The following TMEM245 variants were observed in gnomAD, a reference collection of about 807,000 sequenced individuals.
TMEM245 encodes transmembrane protein 245.
In TMEM245, 69 loss-of-function variants were observed where a neutral mutation model predicts 101.2. The observed-to-expected ratio is 0.68, with a 90% CI of 0.56 to 0.83. The LOEUF (loss-of-function observed/expected upper bound fraction) is 0.83, where lower values mean the gene tolerates loss of function less well. Among genes scored for constraint, TMEM245 ranks in the 40% least tolerant of loss-of-function variants. The probability of loss-of-function intolerance (pLI) is 0.00; values close to 1 mark genes in which losing one functional copy is unlikely to be tolerated. For missense variants in TMEM245, 1,075 were observed against 1,092.8 expected, an observed-to-expected ratio of 0.98 and a Z score of 0.23; for synonymous variants, 537 against 449.8, an observed-to-expected ratio of 1.19 and a Z score of -2.45.
intron 8 of TMEM245, among the ~76,000 whole-genome samples, chr9:109,074,104 T>C (rs10121241): frequency 0.069 from 10,416 of 152,034 alleles, 431 homozygotes; most frequent in South Asian, 0.13. Flanking sequence ...AAGGGATCTA[T>C]CCACCTTGGC....
At chr9:109,053,436 A>G (rs893773978) in intron 12 of TMEM245, among the ~76,000 whole-genome samples, 3 of 152,114 alleles carry the variant, frequency 2.0e-5, no homozygotes, top group African/African-American at 7.2e-5. Context: ...CTGAGGGGGA[A>G]AAAAAAGGAT....
At chr9:109,072,427 C>T (rs1829361869) in intron 9 of TMEM245, among the ~76,000 whole-genome samples, 1 of 152,158 alleles carries the variant, frequency 6.6e-6, no homozygotes, top group Admixed American at 6.6e-5. Context: ...GTGTTTTCAC[C>T]CTGAACATCT....
At chr9:109,053,417 ACTCT>A (rs938274010) in intron 12 of TMEM245, among the ~76,000 whole-genome samples, 3 of 151,830 alleles carry the variant, frequency 2.0e-5, no homozygotes, top group Non-Finnish European at 2.9e-5. Context: ...ACAAAGCGAG[ACTCT>A]CTCTCTGAGG....
intron 2 of TMEM245, among the ~76,000 whole-genome samples, chr9:109,107,982 G>A (rs1290207143): frequency 6.6e-6 from 1 of 152,126 alleles, no homozygotes; most frequent in Non-Finnish European, 1.5e-5. Flanking sequence ...TCTTTCACAG[G>A]ACAGTCCTTC....
chr9:109,059,780 G>A (rs1182918707), intron 11 of TMEM245, among the ~76,000 whole-genome samples: 1 of 151,956 alleles, frequency 6.6e-6, no homozygotes, highest in African/African-American at 2.4e-5. Flanking sequence ...AATGCCTACA[G>A]TTGTACTGTC....
Position 109,016,913 on chromosome 9 carries a change from G to C in TMEM245, c.*3547C>G, listed in dbSNP as rs559952678. ...GACTGCAAGGTCAGGGCTAGAGTAT[G>C]AGAAGTCCTAAGGGTTTTTGTATTT... On this transcript the variant is annotated 3_prime_UTR_variant, in exon 18 of 18. Transcript: ENST00000374586. The C allele has an allele frequency of 7.9e-5, 12 of 151,622 alleles. No individual in the cohort carries two copies. In the East Asian group the frequency reaches 2.3e-3, roughly 29 times the overall value. 9.4% of individuals were successfully genotyped at this position (151,622 alleles called of 1,614,324 possible). A position where few individuals can be genotyped will look rare whatever the true frequency, so the allele number is the denominator to read the frequency against.
At chr9:109,062,528 C>T (rs1009462466) in intron 10 of TMEM245, among the ~76,000 whole-genome samples, 1 of 152,200 alleles carries the variant, frequency 6.6e-6, no homozygotes, top group African/African-American at 2.4e-5. Context: ...TAGTTTACAA[C>T]ATCTATTTCC....
intron 12 of TMEM245, among the ~76,000 whole-genome samples, chr9:109,055,664 C>T (rs1347783138): frequency 6.9e-6 from 1 of 144,066 alleles, no homozygotes; most frequent in African/African-American, 2.6e-5. Flanking sequence ...GATGGAGTTT[C>T]GCTCTTGTTA....
In TMEM245 at chr9:109,018,512, T is replaced by C. The variant is rs1003760659; in HGVS notation, c.*1948A>G. 4 of 152,158 alleles carry C rather than the reference T, an allele frequency of 2.6e-5. No homozygotes were observed. Among genetic ancestry groups the C allele is most frequent in the Non-Finnish European group, 5.9e-5 (4 of 68,030 alleles). The allele number at this position is 152,158 out of a possible 1,614,324, so 9.4% of individuals were successfully genotyped here. Reference sequence around the variant, plus strand: ...CTGATTATAATCGCTAAAATATTCATAATAGAAATAAAGAGATCTGTATGC... The same window carrying C: ...CTGATTATAATCGCTAAAATATTCACAATAGAAATAAAGAGATCTGTATGC... On this transcript the variant is annotated 3_prime_UTR_variant, in exon 18 of 18. Coordinates refer to ENST00000374586, the MANE Select transcript of TMEM245 (RefSeq NM_032012.4).
chr9:109,084,385 G>T (rs934134105), intron 7 of TMEM245, among the ~76,000 whole-genome samples: 2 of 151,898 alleles, frequency 1.3e-5, no homozygotes, highest in South Asian at 4.2e-4. Flanking sequence ...ATCATCAAAG[G>T]AAAGAAAAAA....
In TMEM245 at chr9:109,119,471, AGGC is replaced by A. The variant is rs772603515; in HGVS notation, c.440_442del (p.Arg147del). 24 of 1,489,906 alleles carry A rather than the reference AGGC, an allele frequency of 1.6e-5. No individual in the cohort carries two copies. In the Admixed American group the frequency reaches 1.7e-4, roughly 11 times the overall value. 92.3% of individuals were successfully genotyped at this position (1,489,906 alleles called of 1,614,324 possible). ...GCCGCCGGCGCCGAGCAGCAGGAGC[AGGC>A]GGCGGCGGCGCAGCGCCTGCTCGCC... On this transcript the variant is annotated inframe_deletion, in exon 1 of 18. Coordinates refer to ENST00000374586, the MANE Select transcript of TMEM245 (RefSeq NM_032012.4).
chr9:109,085,835 A>G (rs1829816721), intron 7 of TMEM245, among the ~76,000 whole-genome samples, 162 bp downstream of exon 7: 1 of 152,242 alleles, frequency 6.6e-6, no homozygotes, highest in African/African-American at 2.4e-5. Flanking sequence ...ACCAAATTAT[A>G]CTGTGATAGT....
At chr9:109,088,258 A>G (rs1023533324) in intron 5 of TMEM245, among the ~76,000 whole-genome samples, 12 of 152,196 alleles carry the variant, frequency 7.9e-5, no homozygotes, top group African/African-American at 2.9e-4. Context: ...AAGTTCAACA[A>G]TTCCTTTATT....
chr9:109,045,791 T>G (rs1165495717), intron 14 of TMEM245, among the ~76,000 whole-genome samples: 2 of 152,224 alleles, frequency 1.3e-5, no homozygotes, highest in South Asian at 4.1e-4. Context: ...TTTACTGTCT[T>G]GATTATTATT....
chr9:109,066,490 G>GT (rs1386921249), intron 9 of TMEM245, among the ~76,000 whole-genome samples: 1 of 134,516 alleles, frequency 7.4e-6, no homozygotes, highest in Non-Finnish European at 1.6e-5. Context: ...TTCTCAGCAA[G>GT]TAAGACAAAA....
At position 109,036,271 on chromosome 9, in the gene TMEM245, T is replaced by C; in HGVS notation, c.2334A>G (p.Leu778=). 1 of 1,613,554 alleles carries C rather than the reference T, an allele frequency of 6.2e-7. No individual in the cohort carries two copies. The highest frequency in any genetic ancestry group is 8.5e-7 in the Non-Finnish European group (1 of 1,179,916). Residue 778 remains leucine, a synonymous_variant, in exon 16 of 18, where the codon TTA becomes TTG. Coordinates refer to ENST00000374586, the MANE Select transcript of TMEM245 (RefSeq NM_032012.4). ...TTGGCAAGAGATGAAAAATCAACAG[T>C]AAAATGGCCTTGCATCCTAACCCTT... ...LTQGLGCKAI[L]LLIFHLLPTY...
chr9:109,097,479 T>G (rs892953187), intron 3 of TMEM245, among the ~76,000 whole-genome samples: 2 of 152,040 alleles, frequency 1.3e-5, no homozygotes, highest in Non-Finnish European at 2.9e-5. Flanking sequence ...GAAAGAAGAC[T>G]CCCCAGGTTC....
At chr9:109,090,863 A>G in intron 5 of TMEM245, 59 bp downstream of exon 5, 1 of 1,513,294 alleles carries the variant, frequency 6.6e-7, no homozygotes, top group Non-Finnish European at 9.0e-7. Context: ...CCAAAAGTAA[A>G]AAAAGAAAAA....
chr9:109,083,916 A>AAAAAACAAAAAAAC (rs1829751382), intron 7 of TMEM245, among the ~76,000 whole-genome samples: 1 of 132,502 alleles, frequency 7.5e-6, no homozygotes, highest in Admixed American at 8.7e-5. Context: ...AAAAAAAAAA[A>AAAAAACAAAAAAAC]AAAAAAAAAA....
Sources: gnomAD v4.1 joint callset for allele counts (sites outside exome capture counted in the v4.1 genomes callset) on GRCh38, gnomAD v4.1.1 for gene constraint, MANE v1.5 for transcripts, NCBI Gene and HGNC (gene_info 2026-07-23, HGNC 2026-07-21) for gene names.